The following DOK6 variants were observed in gnomAD, a reference collection of about 807,000 sequenced individuals.
The protein encoded by DOK6 is downstream of tyrosine kinase 6.
DOK6 carries 22 observed loss-of-function variants against 44.0 expected under a neutral mutation model. The observed-to-expected ratio is 0.50, with a 90% CI of 0.36 to 0.71. The LOEUF (loss-of-function observed/expected upper bound fraction) is 0.71. Ranked by LOEUF, DOK6 falls within the 30% of genes least tolerant of loss-of-function variation. The probability of loss-of-function intolerance (pLI) is 0.00; values close to 1 mark genes in which losing one functional copy is unlikely to be tolerated. For missense variants in DOK6, 340 were observed against 416.4 expected, an observed-to-expected ratio of 0.82 and a Z score of 1.60; for synonymous variants, 166 against 145.5, an observed-to-expected ratio of 1.14 and a Z score of -1.01.
At chr18:69,573,605 AG>A (rs1983168946) in intron 2 of DOK6, among the ~76,000 whole-genome samples, 1 of 151,926 alleles carries the variant, frequency 6.6e-6, no homozygotes, top group African/African-American at 2.4e-5. Context: ...AAAATAACAT[AG>A]GCATGATTCA....
chr18:69,628,972 C>G (rs976422616), intron 3 of DOK6, among the ~76,000 whole-genome samples: 1 of 152,160 alleles, frequency 6.6e-6, no homozygotes, highest in Non-Finnish European at 1.5e-5. Flanking sequence ...GCAAAAGAGC[C>G]CAGCTTATCC....
intron 1 of DOK6, among the ~76,000 whole-genome samples, chr18:69,521,133 C>CTATTTTA (rs1981672954): frequency 6.6e-6 from 1 of 151,832 alleles, no homozygotes; most frequent in Non-Finnish European, 1.5e-5. Context: ...CCAGATTTTT[C>CTATTTTA]TATTTTATGT....
At position 69,847,243 on chromosome 18, in the gene DOK6, G is replaced by A. The variant is rs1982365367; in HGVS notation, c.*5860G>A. 1 of 152,096 alleles carries A rather than the reference G, an allele frequency of 6.6e-6. No individual in the cohort carries two copies. The highest frequency in any genetic ancestry group is 2.4e-5 in the African/African-American group (1 of 41,420). 9.4% of individuals were successfully genotyped at this position (152,096 alleles called of 1,614,324 possible). On this transcript the variant is annotated 3_prime_UTR_variant, in exon 8 of 8. Transcript: ENST00000382713. Reference sequence around the variant, plus strand: ...TAATCATTATTTTGGGCCCATGTTAGCAGTTGAAACAATTAAGTTCCTCAC... The same window carrying A: ...TAATCATTATTTTGGGCCCATGTTAACAGTTGAAACAATTAAGTTCCTCAC...
At chr18:69,833,383 T>A (rs1028059397) in intron 7 of DOK6, among the ~76,000 whole-genome samples, 3 of 152,144 alleles carry the variant, frequency 2.0e-5, no homozygotes, top group Non-Finnish European at 4.4e-5. Flanking sequence ...TAGAGTCCCA[T>A]CTTTCACCAC....
At chr18:69,553,948 C>T (rs973696127) in intron 1 of DOK6, among the ~76,000 whole-genome samples, 5 of 152,154 alleles carry the variant, frequency 3.3e-5, no homozygotes, top group Non-Finnish European at 7.4e-5. Context: ...GTAGCAGGGA[C>T]TGCCTTCTGC....
chr18:69,702,867 G>T (rs116387954), intron 5 of DOK6, among the ~76,000 whole-genome samples: 2,437 of 152,192 alleles, frequency 0.016, 57 homozygotes, highest in African/African-American at 0.055. Context: ...CCTAAAAGGC[G>T]ACCAAAACTG....
At chr18:69,681,435 C>A (rs1276354754) in intron 4 of DOK6, among the ~76,000 whole-genome samples, 2 of 152,164 alleles carry the variant, frequency 1.3e-5, no homozygotes, top group African/African-American at 4.8e-5. Context: ...TTGATTAAAT[C>A]CTTTGCTGTA....
chr18:69,680,148 G>T (rs1599259552), intron 4 of DOK6, among the ~76,000 whole-genome samples: 1 of 152,296 alleles, frequency 6.6e-6, no homozygotes, highest in East Asian at 1.9e-4. Context: ...GAGTAATTTA[G>T]CTGGAAAAGG....
At chr18:69,447,459 C>T (rs1242813362) in intron 1 of DOK6, among the ~76,000 whole-genome samples, 1 of 152,068 alleles carries the variant, frequency 6.6e-6, no homozygotes, top group African/African-American at 2.4e-5. Context: ...TTACTGTAGC[C>T]TTGTAGTGTA....
At chr18:69,757,435 T>C (rs1309690470) in intron 6 of DOK6, among the ~76,000 whole-genome samples, 4 of 152,248 alleles carry the variant, frequency 2.6e-5, no homozygotes, top group Non-Finnish European at 5.9e-5. Flanking sequence ...CATAGAAATG[T>C]AAATAACTTT....
At chr18:69,465,049 T>C (rs1979886732) in intron 1 of DOK6, among the ~76,000 whole-genome samples, 1 of 152,184 alleles carries the variant, frequency 6.6e-6, no homozygotes. Context: ...TTCAATTTAG[T>C]TCCATGTTCT....
rs1395245692 is a variant in DOK6, at chr18:69,844,197, T to C, written c.*2814T>C. On this transcript the variant is annotated 3_prime_UTR_variant, in exon 8 of 8. Transcript: ENST00000382713. ...CAAAAATTGTATTATATCTTTAATATATGTGTATTTTTCAATGCGAGGGAG... is the reference window on the plus strand; with the variant it reads ...CAAAAATTGTATTATATCTTTAATACATGTGTATTTTTCAATGCGAGGGAG... 1 of 152,182 alleles carries C rather than the reference T, an allele frequency of 6.6e-6. No individual in the cohort carries two copies. Among genetic ancestry groups the C allele is most frequent in the Non-Finnish European group, 1.5e-5 (1 of 68,048 alleles). 9.4% of individuals were successfully genotyped at this position (152,182 alleles called of 1,614,324 possible).
At chr18:69,647,016 CTA>C (rs1380628586) in intron 3 of DOK6, among the ~76,000 whole-genome samples, 4 of 151,812 alleles carry the variant, frequency 2.6e-5, no homozygotes, top group Non-Finnish European at 4.4e-5. Context: ...TCTATCTACT[CTA>C]TCTCATCTAT....
At chr18:69,424,908 T>C (rs1235270732) in intron 1 of DOK6, among the ~76,000 whole-genome samples, 2 of 152,166 alleles carry the variant, frequency 1.3e-5, no homozygotes, top group Non-Finnish European at 2.9e-5. Context: ...GTGCTGGATT[T>C]ACTCAGGCAA....
chr18:69,770,678 C>A (rs748709367), intron 7 of DOK6, among the ~76,000 whole-genome samples: 1 of 152,028 alleles, frequency 6.6e-6, no homozygotes, highest in Non-Finnish European at 1.5e-5. Context: ...GGGTTTAACT[C>A]GTGAGGGTTG....
intron 1 of DOK6, 56 bp from the exon 2 acceptor site, chr18:69,564,431 A>G (rs1982920124): frequency 6.1e-6 from 9 of 1,482,090 alleles, no homozygotes; most frequent in Admixed American, 1.9e-5. Context: ...ATCAACTCCT[A>G]ATGTCGTAAA....
In DOK6 at chr18:69,722,098, T is replaced by C. The variant is rs147009903; in HGVS notation, c.600-16867T>C. Among the ~76,000 whole-genome samples the C allele has an allele frequency of 3.6e-3, 555 of 152,338 alleles. 6 individuals are homozygous for C. Among genetic ancestry groups the C allele is most frequent in the African/African-American group, 0.013 (538 of 41,566 alleles). ...TCCAACCTCTTTTCAATGGAAATCT[T>C]AATTCCATATTATAAAATGAAATCA... On this transcript the variant is annotated intron_variant, in intron 5 of 7. Coordinates refer to ENST00000382713, the MANE Select transcript of DOK6 (RefSeq NM_152721.6).
chr18:69,642,143 G>C (rs1438839783), intron 3 of DOK6, among the ~76,000 whole-genome samples: 1 of 151,670 alleles, frequency 6.6e-6, no homozygotes, highest in Non-Finnish European at 1.5e-5. Flanking sequence ...TTTTTTACTG[G>C]GTCTTTGAAA....
At chr18:69,830,080 A>T (rs1450743823) in intron 7 of DOK6, among the ~76,000 whole-genome samples, 1 of 152,180 alleles carries the variant, frequency 6.6e-6, no homozygotes, top group African/African-American at 2.4e-5. Context: ...ACAAGTGCAA[A>T]TACCTTCCAG....
Sources: allele counts gnomAD v4.1 joint callset (sites outside exome capture counted in the v4.1 genomes callset), GRCh38; gene constraint gnomAD v4.1.1; transcripts MANE v1.5; gene names NCBI Gene and HGNC (gene_info 2026-07-23, HGNC 2026-07-21).